Variants in EPHA5 observed in about 807,000 individuals in gnomAD.
The protein encoded by EPHA5 is ephrin type-A receptor 5.
In EPHA5, 60 loss-of-function variants were observed where a neutral mutation model predicts 105.0. The ratio of observed to expected loss-of-function variants is 0.57; its 90% CI spans 0.46 to 0.71. The LOEUF is 0.71. Among genes scored for constraint, EPHA5 ranks in the 30% least tolerant of loss-of-function variants. The pLI, the probability that EPHA5 is intolerant of heterozygous loss-of-function variation, is 0.00. For synonymous variants in EPHA5, 513 were observed against 449.1 expected (o/e 1.14, Z -1.80); for missense variants, 1,218 against 1,274.7 (o/e 0.96, Z 0.68).
At chr4:65,326,052 GT>G (rs1471421106) in intron 16 of EPHA5, among the ~76,000 whole-genome samples, 1 of 146,822 alleles carries the variant, frequency 6.8e-6, no homozygotes, top group African/African-American at 2.5e-5. Flanking sequence ...GTATATATAT[GT>G]ATATATATAT....
At chr4:65,376,008 T>C (rs1043462230) in intron 8 of EPHA5, among the ~76,000 whole-genome samples, 2 of 151,254 alleles carry the variant, frequency 1.3e-5, no homozygotes, top group East Asian at 3.9e-4. Flanking sequence ...AATTACATCA[T>C]CCTGTGTTTG....
intron 5 of EPHA5, among the ~76,000 whole-genome samples, chr4:65,429,927 T>C (rs2149060303): frequency 6.6e-6 from 1 of 152,128 alleles, no homozygotes; most frequent in South Asian, 2.1e-4. Context: ...TCACAATATC[T>C]TTAAATAGCA....
At chr4:65,361,956 C>G (rs188904821) in intron 11 of EPHA5, among the ~76,000 whole-genome samples, 84 of 151,500 alleles carry the variant, frequency 5.5e-4, no homozygotes, top group African/African-American at 1.9e-3. Context: ...AACTTTTTTT[C>G]CTTTTTATCT....
At chr4:65,595,793 G>A (rs1477376320) in intron 3 of EPHA5, among the ~76,000 whole-genome samples, 1 of 151,980 alleles carries the variant, frequency 6.6e-6, no homozygotes, top group South Asian at 2.1e-4. Context: ...TGTTAGCCAG[G>A]ATGGTCTCGA....
chr4:65,649,738 T>G (rs1244820498), intron 1 of EPHA5, among the ~76,000 whole-genome samples: 2 of 152,202 alleles, frequency 1.3e-5, no homozygotes, highest in East Asian at 3.9e-4. Context: ...TGTTACTAAA[T>G]TCACTAGTGA....
At chr4:65,432,500 G>A (rs62298037) in intron 5 of EPHA5, among the ~76,000 whole-genome samples, 3 of 152,038 alleles carry the variant, frequency 2.0e-5, no homozygotes, top group African/African-American at 7.2e-5. Context: ...CATCTAACTA[G>A]CTTTAGACTT....
At chr4:65,483,181 G>T (rs1213629015) in intron 5 of EPHA5, among the ~76,000 whole-genome samples, 1 of 152,112 alleles carries the variant, frequency 6.6e-6, no homozygotes, top group Non-Finnish European at 1.5e-5. Flanking sequence ...CCCTACAAAG[G>T]ACATGAACTC....
At position 65,320,236 on chromosome 4, in the gene EPHA5, T is replaced by C. The variant is rs1719527461; in HGVS notation, c.*3878A>G. The C allele has an allele frequency of 8.7e-6, 2 of 230,106 alleles. No homozygotes were observed. Among genetic ancestry groups the C allele is most frequent in the Non-Finnish European group, 1.7e-5 (2 of 116,090 alleles). The allele number at this position is 230,106 out of a possible 1,614,324, so 14.3% of individuals were successfully genotyped here. ...GCACAATAGAGAAAATTATTCAATGTAAACAGCTGTGCTACAGAGTTGAAA... is the reference window on the plus strand; with the variant it reads ...GCACAATAGAGAAAATTATTCAATGCAAACAGCTGTGCTACAGAGTTGAAA... On this transcript the variant is annotated 3_prime_UTR_variant, in exon 17 of 17. Coordinates refer to ENST00000613740, the MANE Select transcript of EPHA5 (RefSeq NM_001281766.3).
chr4:65,607,610 C>T (rs748761596), intron 2 of EPHA5, among the ~76,000 whole-genome samples: 19 of 152,200 alleles, frequency 1.2e-4, no homozygotes, highest in Non-Finnish European at 2.4e-4. Flanking sequence ...ATTAGAGAAA[C>T]GCAAATCAAA....
At chr4:65,580,243 A>G (rs1741482019) in intron 3 of EPHA5, among the ~76,000 whole-genome samples, 1 of 151,958 alleles carries the variant, frequency 6.6e-6, no homozygotes, top group Non-Finnish European at 1.5e-5. Flanking sequence ...ATTAGGTTAT[A>G]GCTGCTGTAA....
At chr4:65,331,318 G>C (rs1720594809) in intron 16 of EPHA5, 1 of 1,034,400 alleles carries the variant, frequency 9.7e-7, no homozygotes, top group Non-Finnish European at 1.2e-6. Flanking sequence ...CAACCTTAAA[G>C]AACTTAATAT....
intron 5 of EPHA5, among the ~76,000 whole-genome samples, chr4:65,461,730 G>A (rs1406514776): frequency 6.6e-6 from 1 of 151,902 alleles, no homozygotes; most frequent in Non-Finnish European, 1.5e-5. Context: ...AATGGGTACA[G>A]CAAAACTTCA....
Position 65,410,001 on chromosome 4 carries a change from C to T in EPHA5, c.1687+4283G>A, listed in dbSNP as rs1229547231. ...AGAGCCGTTTTGGAAAACATGTTGG[C>T]AGTTTCTTACAAAATTAGATATACA... On this transcript the variant is annotated intron_variant, in intron 7 of 16. Transcript: ENST00000613740. Among the ~76,000 whole-genome samples, 4 of 152,114 alleles carry T rather than the reference C, an allele frequency of 2.6e-5. No homozygotes were observed. In the South Asian group the frequency reaches 6.2e-4, roughly 24 times the overall value.
At chr4:65,340,967 C>A (rs1721654836) in intron 14 of EPHA5, among the ~76,000 whole-genome samples, 1 of 152,178 alleles carries the variant, frequency 6.6e-6, no homozygotes, top group Admixed American at 6.5e-5. Flanking sequence ...TACTCCATAG[C>A]TTGCAACCAA....
chr4:65,345,340 A>G (rs940913642), intron 14 of EPHA5, among the ~76,000 whole-genome samples: 8 of 152,234 alleles, frequency 5.3e-5, no homozygotes, highest in African/African-American at 1.9e-4. Flanking sequence ...GCAGAAATCC[A>G]TAACTCCAAT....
intron 16 of EPHA5, among the ~76,000 whole-genome samples, chr4:65,329,207 C>T (rs962823918): frequency 6.6e-6 from 1 of 151,322 alleles, no homozygotes; most frequent in African/African-American, 2.4e-5. Flanking sequence ...CCATTACTGC[C>T]ACAATTGTTT....
At chr4:65,362,466 T>C (rs1341044130) in intron 11 of EPHA5, among the ~76,000 whole-genome samples, 1 of 151,724 alleles carries the variant, frequency 6.6e-6, no homozygotes, top group Non-Finnish European at 1.5e-5. Flanking sequence ...AGAAATATTG[T>C]TTCAATTCAT....
At chr4:65,403,237 C>A (rs1053274064) in intron 8 of EPHA5, among the ~76,000 whole-genome samples, 5 of 152,090 alleles carry the variant, frequency 3.3e-5, no homozygotes, top group African/African-American at 7.2e-5. Context: ...AATCAAAAAT[C>A]TTTTCAGAGC....
intron 3 of EPHA5, among the ~76,000 whole-genome samples, chr4:65,496,231 TC>T (rs1330591050): frequency 1.3e-5 from 2 of 152,020 alleles, no homozygotes; most frequent in African/African-American, 4.8e-5. Flanking sequence ...AAACATTATG[TC>T]TTTTTTTTTA....
Sources: allele counts gnomAD v4.1 joint callset (sites outside exome capture counted in the v4.1 genomes callset), GRCh38; gene constraint gnomAD v4.1.1; transcripts MANE v1.5; gene names NCBI Gene and HGNC (gene_info 2026-07-23, HGNC 2026-07-21).